The following NUDT6 variants were observed in gnomAD, a reference collection of about 807,000 sequenced individuals.
NUDT6 encodes the protein nudix hydrolase 6.
Under a neutral mutation model 36.8 loss-of-function variants are expected in NUDT6, and 24 were observed. The observed-to-expected ratio is 0.65, with a 90% confidence interval of 0.47 to 0.92. The LOEUF (loss-of-function observed/expected upper bound fraction) is 0.92. Ranked by LOEUF, NUDT6 falls within the 40% of genes least tolerant of loss-of-function variation. NUDT6 has a pLI of 0.00. For synonymous variants in NUDT6, 163 were observed against 157.0 expected, an observed-to-expected ratio of 1.04 and a Z score of -0.29; for missense variants, 388 against 392.8, an observed-to-expected ratio of 0.99 and a Z score of 0.10.
intron 4 of NUDT6, chr4:122,893,541 G>C: frequency 4.6e-6 from 1 of 218,020 alleles, no homozygotes; most frequent in Admixed American, 5.6e-5. Flanking sequence ...TAAAAATATA[G>C]ATTGAAAAGT....
chr4:122,893,457 C>G, intron 4 of NUDT6: 1 of 406,180 alleles, frequency 2.5e-6, no homozygotes, highest in Non-Finnish European at 4.3e-6. Flanking sequence ...TTGGCTGCTA[C>G]TTGGAGGCTT....
At position 122,892,629 on chromosome 4, in the gene NUDT6, T is replaced by C. The variant is rs1311986455; in HGVS notation, c.*199A>G. The C allele has an allele frequency of 1.4e-6, 2 of 1,426,618 alleles. No homozygotes were observed. The highest frequency in any genetic ancestry group is 2.5e-5 in the East Asian group (1 of 39,894). 88.4% of individuals were successfully genotyped at this position (1,426,618 alleles called of 1,614,324 possible). ...GCATCTGCTGTTACCCAGTGAAGCT[T>C]ACCTAGAGCAATGATCTTTTTCACG... On this transcript the variant is annotated 3_prime_UTR_variant, in exon 5 of 5. Transcript: ENST00000304430.
intron 2 of NUDT6, among the ~76,000 whole-genome samples, chr4:122,916,679 T>G (rs1727851141): frequency 6.6e-6 from 1 of 152,192 alleles, no homozygotes; most frequent in African/African-American, 2.4e-5. Context: ...CTTCATCTAT[T>G]TAAAAGCACT....
chr4:122,917,611 A>G lies in NUDT6; in HGVS notation c.332T>C (p.Leu111Pro). Reference protein sequence around the residue: ...QSRFIAPAASLGFCFHHAESD... With the variant: ...QSRFIAPAASPGFCFHHAESD... ...TTCTGCGTGGTGAAAGCAGAAGCCC[A>G]GGGAAGCAGCAGGGGCAATAAATCG... The change falls in exon 2 of 5, where the codon CTG becomes CCG. Residue 111 changes from leucine to proline, a missense_variant. By Grantham distance (98) the Leu-to-Pro change is moderately conservative (BLOSUM62 -3). Coordinates refer to ENST00000304430, the MANE Select transcript of NUDT6 (RefSeq NM_007083.5). The G allele has an allele frequency of 6.2e-7, 1 of 1,614,224 alleles. No individual in the cohort carries two copies. The highest frequency in any genetic ancestry group is 2.2e-5 in the East Asian group (1 of 44,886).
At chr4:122,896,765 T>C (rs1330031790) in intron 4 of NUDT6, 1 of 152,200 alleles carries the variant, frequency 6.6e-6, no homozygotes, top group Non-Finnish European at 1.5e-5. Flanking sequence ...TTTAAGTACA[T>C]GGACATTTTT....
At chr4:122,916,722 T>C (rs1260229888) in intron 2 of NUDT6, among the ~76,000 whole-genome samples, 4 of 152,202 alleles carry the variant, frequency 2.6e-5, no homozygotes, top group Non-Finnish European at 5.9e-5. Context: ...CACTATGTAA[T>C]AGATACTGTA....
chr4:122,894,536 A>G (rs1727290914), intron 4 of NUDT6: 2 of 152,200 alleles, frequency 1.3e-5, no homozygotes, highest in African/African-American at 2.4e-5. Context: ...GCAGTGAGCC[A>G]TAATCGTGCC....
intron 4 of NUDT6, 153 bp from the exon 5 acceptor site, chr4:122,893,378 A>G: frequency 1.6e-6 from 1 of 619,400 alleles, no homozygotes; most frequent in Non-Finnish European, 2.5e-6. Flanking sequence ...CCTTGTGGAT[A>G]TCAAGAAATC....
At chr4:122,908,561 T>C (rs988092719) in intron 3 of NUDT6, among the ~76,000 whole-genome samples, 2 of 152,196 alleles carry the variant, frequency 1.3e-5, no homozygotes, top group African/African-American at 2.4e-5. Flanking sequence ...ATGTCTCTGC[T>C]TGTAACTCCT....
In NUDT6 at chr4:122,899,044, A is replaced by ATTTTTTTTTTTTT. The variant is rs113708696; in HGVS notation, c.499-1379_499-1367dup. ...CTACAGGTGTGCACCACCACACCTA[A>ATTTTTTTTTTTTT]TTTTTTTTTTTTTTTTAGAGATGAG... is the stretch of plus-strand genomic sequence containing the variant. On this transcript the variant is annotated intron_variant, in intron 3 of 4. Transcript: ENST00000304430. 3.5e-4 allele frequency among the ~76,000 whole-genome samples: 24 copies of ATTTTTTTTTTTTT among 69,408 alleles called. 2 individuals are homozygous for ATTTTTTTTTTTTT. Among genetic ancestry groups the ATTTTTTTTTTTTT allele is most frequent in the African/African-American group, 6.3e-4 (14 of 22,090 alleles). 45.5% of individuals were successfully genotyped at this position (69,408 alleles called of 152,430 possible).
chr4:122,904,935 G>A (rs1286639815), intron 3 of NUDT6, among the ~76,000 whole-genome samples: 1 of 152,190 alleles, frequency 6.6e-6, no homozygotes, highest in African/African-American at 2.4e-5. Context: ...GCGGACCTTC[G>A]TGGTGAGTGT....
chr4:122,915,945 A>G (rs1727830770), intron 2 of NUDT6, among the ~76,000 whole-genome samples: 1 of 152,198 alleles, frequency 6.6e-6, no homozygotes, highest in Non-Finnish European at 1.5e-5. Flanking sequence ...TGAAAAGCAA[A>G]CTACCTTAAA....
chr4:122,913,120 A>C (rs1279316574), intron 2 of NUDT6: 1 of 154,748 alleles, frequency 6.5e-6, no homozygotes, highest in Non-Finnish European at 1.4e-5. Context: ...CCATGAAGAC[A>C]CTAAGTGCCT....
At chr4:122,915,958 C>T (rs986830219) in intron 2 of NUDT6, among the ~76,000 whole-genome samples, 5 of 152,154 alleles carry the variant, frequency 3.3e-5, no homozygotes, top group Non-Finnish European at 7.3e-5. Context: ...ACCTTAAAAA[C>T]TCTTGTAAAT....
At chr4:122,898,533 T>C (rs1727436085) in intron 3 of NUDT6, among the ~76,000 whole-genome samples, 1 of 152,190 alleles carries the variant, frequency 6.6e-6, no homozygotes, top group South Asian at 2.1e-4. Context: ...TATGGTCCTT[T>C]TACTGGTTTG....
At chr4:122,903,208 A>G (rs1727557876) in intron 3 of NUDT6, among the ~76,000 whole-genome samples, 1 of 152,186 alleles carries the variant, frequency 6.6e-6, no homozygotes, top group African/African-American at 2.4e-5. Context: ...ACTTAAAAAA[A>G]TCAAAACCCT....
intron 4 of NUDT6, chr4:122,893,598 T>C (rs1276393461): frequency 6.2e-6 from 1 of 162,180 alleles, no homozygotes; most frequent in Admixed American, 6.4e-5. Flanking sequence ...TGAGATAAGA[T>C]TCCAAAGAAC....
At chr4:122,895,873 T>G (rs1199316928) in intron 4 of NUDT6, 1 of 152,250 alleles carries the variant, frequency 6.6e-6, no homozygotes, top group Non-Finnish European at 1.5e-5. Flanking sequence ...GTACATTGCA[T>G]GTTTTCCTAA....
intron 4 of NUDT6, chr4:122,893,738 C>A (rs1218121232): frequency 6.6e-6 from 1 of 152,236 alleles, no homozygotes; most frequent in Non-Finnish European, 1.5e-5. Flanking sequence ...CAATTAAATG[C>A]AAATTTGTGT....
Sources: gnomAD v4.1 joint callset for allele counts (sites outside exome capture counted in the v4.1 genomes callset) on GRCh38, gnomAD v4.1.1 for gene constraint, MANE v1.5 for transcripts, NCBI Gene and HGNC (gene_info 2026-07-23, HGNC 2026-07-21) for gene names.